GDAP1: variants seen among roughly 807,000 people sequenced by gnomAD.
GDAP1 encodes the protein ganglioside-induced differentiation-associated protein 1.
A neutral mutation model predicts 40.1 loss-of-function variants in GDAP1; 34 were observed. The ratio of observed to expected loss-of-function variants is 0.85; its 90% CI spans 0.64 to 1.13. GDAP1 has a LOEUF of 1.13. GDAP1 is among the 50% of genes most tolerant of loss of function. GDAP1 has a pLI of 0.00. For synonymous variants in GDAP1, 170 were observed against 157.4 expected, an observed-to-expected ratio of 1.08 and a Z score of -0.60; for missense variants, 374 against 433.7, an observed-to-expected ratio of 0.86 and a Z score of 1.22.
chr8:74,400,281 A>G (rs1741848851), intron 2 of GDAP1, among the ~76,000 whole-genome samples: 1 of 149,960 alleles, frequency 6.7e-6, no homozygotes, highest in Non-Finnish European at 1.5e-5. Flanking sequence ...TTCTTGTTGA[A>G]TTGATCCCTT....
At chr8:74,482,957 C>G (rs1806730790) in intron 2 of GDAP1, among the ~76,000 whole-genome samples, 1 of 152,110 alleles carries the variant, frequency 6.6e-6, no homozygotes, top group African/African-American at 2.4e-5. Flanking sequence ...AGTCAGACTT[C>G]CTGGACTTGA....
chr8:74,388,912 T>A (rs776663627), intron 2 of GDAP1, among the ~76,000 whole-genome samples: 1 of 152,252 alleles, frequency 6.6e-6, no homozygotes, highest in Non-Finnish European at 1.5e-5. Flanking sequence ...CTTGTTGCAT[T>A]GATCCCTTTA....
intron 2 of GDAP1, among the ~76,000 whole-genome samples, chr8:74,382,601 A>G (rs1274190268): frequency 6.6e-6 from 1 of 152,082 alleles, no homozygotes; most frequent in Admixed American, 6.5e-5. Context: ...TCATTGGCAA[A>G]TACTACTTTT....
chr8:74,400,640 C>G (rs1266042659), intron 2 of GDAP1, among the ~76,000 whole-genome samples: 2 of 149,882 alleles, frequency 1.3e-5, no homozygotes, highest in East Asian at 3.8e-4. Flanking sequence ...GCAGTTTCTT[C>G]CTAGCCTTGA....
In GDAP1 at chr8:74,366,124, T is replaced by C. The variant is rs1293412786; in HGVS notation, c.*1757T>C. The C allele has an allele frequency of 2.2e-6, 1 of 445,808 alleles. No individual in the cohort carries two copies. The highest frequency in any genetic ancestry group is 2.5e-5 in the Admixed American group (1 of 40,530). 27.6% of individuals were successfully genotyped at this position (445,808 alleles called of 1,614,324 possible). A position where few individuals can be genotyped will look rare whatever the true frequency, so the allele number is the denominator to read the frequency against. ...TCCATGGTTAACTTTTCCTTCAATT[T>C]ATATTATTCCTGAATCATAGGGAAT... On this transcript the variant is annotated 3_prime_UTR_variant, in exon 6 of 6. Transcript: ENST00000220822.
At chr8:74,384,761 G>C (rs1337308439) in intron 2 of GDAP1, among the ~76,000 whole-genome samples, 1 of 152,142 alleles carries the variant, frequency 6.6e-6, no homozygotes, top group African/African-American at 2.4e-5. Flanking sequence ...CCAACGAAAT[G>C]CCATGCTTAT....
At chr8:74,422,760 G>T (rs1361578356) in intron 2 of GDAP1, among the ~76,000 whole-genome samples, 1 of 151,688 alleles carries the variant, frequency 6.6e-6, no homozygotes, top group African/African-American at 2.4e-5. Context: ...AATTGGCACT[G>T]TTTCTCTTCT....
chr8:74,398,486 A>G (rs963757573), intron 2 of GDAP1, among the ~76,000 whole-genome samples: 3 of 152,192 alleles, frequency 2.0e-5, no homozygotes. Flanking sequence ...CAATCATGTC[A>G]TCTGCAAACA....
chr8:74,421,035 C>CATAG (rs369089879), intron 2 of GDAP1, among the ~76,000 whole-genome samples: 116 of 151,802 alleles, frequency 7.6e-4, no homozygotes, highest in East Asian at 2.7e-3. Context: ...ATAGATGATA[C>CATAG]ATAGATAGAT....
At chr8:74,397,668 A>C (rs917848646) in intron 2 of GDAP1, among the ~76,000 whole-genome samples, 1 of 151,888 alleles carries the variant, frequency 6.6e-6, no homozygotes, top group African/African-American at 2.4e-5. Flanking sequence ...ATAGTTGTAG[A>C]TATGCGGCAT....
In GDAP1 at chr8:74,442,407, A is replaced by C. The variant is rs77402331; in HGVS notation, c.166-46271A>C. Among the ~76,000 whole-genome samples, 1,191 of 152,324 alleles carry C rather than the reference A, an allele frequency of 7.8e-3. 22 individuals carry two copies. Among genetic ancestry groups the C allele is most frequent in the African/African-American group, 0.027 (1,131 of 41,584 alleles). On this transcript the variant is annotated intron_variant, in intron 2 of 2. Transcript: ENST00000523640. The stretch of plus-strand genomic sequence containing the variant: ...CCTCAACTCAGTAGCCTGATATTGA[A>C]CTTCCGACACTTTTTTTGTTCATTG...
rs1260934066 is a variant in GDAP1, at chr8:74,350,508, C to T, written c.47C>T (p.Ala16Val). ...EEQRGSPPLR[A>V]EGKADAEVKL... ...CAGAGAGGGAGCCCGCCCTTGAGGG[C>T]GGAAGGCAAGGCCGACGCGGAGGTT... Residue 16 changes from alanine to valine, a missense_variant, in exon 1 of 6, where the codon GCG becomes GTG. Coordinates refer to ENST00000220822, the MANE Select transcript of GDAP1 (RefSeq NM_018972.4). 1.9e-6 allele frequency: 3 copies of T among 1,613,544 alleles called. No individual in the cohort carries two copies. Among genetic ancestry groups the T allele is most frequent in the Middle Eastern group, 1.7e-4 (1 of 6,060 alleles).
chr8:74,392,070 C>T (rs1283028911), intron 2 of GDAP1, among the ~76,000 whole-genome samples: 1 of 152,150 alleles, frequency 6.6e-6, no homozygotes, highest in African/African-American at 2.4e-5. Flanking sequence ...CTGCCTTCCT[C>T]GGCCTCCCAA....
intron 2 of GDAP1, among the ~76,000 whole-genome samples, chr8:74,429,406 G>A (rs1430468464): frequency 6.6e-6 from 1 of 152,172 alleles, no homozygotes; most frequent in African/African-American, 2.4e-5. Flanking sequence ...AATAGTATAT[G>A]TAATATTATT....
chr8:74,382,376 GTT>G (rs5892456), intron 2 of GDAP1, among the ~76,000 whole-genome samples: 18 of 141,934 alleles, frequency 1.3e-4, no homozygotes, highest in South Asian at 2.2e-4. Context: ...ATTGCTAGTG[GTT>G]TTTTTTTTTT....
In GDAP1 at chr8:74,469,375, A is replaced by G. The variant is rs370836239; in HGVS notation, c.166-19303A>G. Among the ~76,000 whole-genome samples, 16 of 152,342 alleles carry G rather than the reference A, an allele frequency of 1.1e-4. No individual in the cohort carries two copies. The South Asian group carries it at 3.1e-3, about 30-fold the overall frequency. ...CAAATTTTAAATGTAAAAATTTGTTAAAAGTATTCTGAGGCGGGCGCAGTG... is the reference window on the plus strand; with the variant it reads ...CAAATTTTAAATGTAAAAATTTGTTGAAAGTATTCTGAGGCGGGCGCAGTG... On this transcript the variant is annotated intron_variant, in intron 2 of 2. Coordinates refer to the GDAP1 transcript ENST00000523640.
Position 74,364,103 on chromosome 8 carries a change from A to G in GDAP1, c.813A>G (p.Gly271=). The part of the protein sequence containing the change: ...LGFARRNWGN[G]KRPNLETYYE... ...TTGCAAGGAGAAACTGGGGAAACGG[A>G]AAGCGACCAAACTTGGAAACCTATT... is the stretch of plus-strand genomic sequence containing the variant. Residue 271 remains glycine, a synonymous_variant, in exon 6 of 6, where the codon GGA becomes GGG. Transcript: ENST00000220822. The G allele has an allele frequency of 1.2e-6, 2 of 1,614,222 alleles. No individual in the cohort carries two copies. Among genetic ancestry groups the G allele is most frequent in the Non-Finnish European group, 1.7e-6 (2 of 1,180,026 alleles).
intron 2 of GDAP1, among the ~76,000 whole-genome samples, chr8:74,410,826 T>C (rs1163464164): frequency 6.7e-6 from 1 of 150,302 alleles, no homozygotes; most frequent in Non-Finnish European, 1.5e-5. Context: ...CCTGTATTGG[T>C]AATGAGGACT....
chr8:74,366,050 C>T lies in GDAP1; in HGVS notation c.*1683C>T, dbSNP rs1809618032. 2.2e-6 allele frequency: 1 copy of T among 448,276 alleles called. No homozygotes were observed. The highest frequency in any genetic ancestry group is 4.4e-6 in the Non-Finnish European group (1 of 225,284). 27.8% of individuals were successfully genotyped at this position (448,276 alleles called of 1,614,324 possible). On this transcript the variant is annotated 3_prime_UTR_variant, in exon 6 of 6. Transcript: ENST00000220822. Reference sequence around the variant, plus strand: ...AAGAATTGGATTTTTATAAAAACCTCTGAAGGATATTTACCTATGAAAAAG... The same window carrying T: ...AAGAATTGGATTTTTATAAAAACCTTTGAAGGATATTTACCTATGAAAAAG...
Sources: allele counts gnomAD v4.1 joint callset (sites outside exome capture counted in the v4.1 genomes callset), GRCh38; gene constraint gnomAD v4.1.1; transcripts MANE v1.5; gene names NCBI Gene and HGNC (gene_info 2026-07-23, HGNC 2026-07-21).